The following AUTS2 variants were observed in gnomAD, a reference collection of about 807,000 sequenced individuals.
The protein encoded by AUTS2 is autism susceptibility gene 2 protein.
In AUTS2, 17 loss-of-function variants were observed where a neutral mutation model predicts 112.4. That is an observed-to-expected ratio of 0.15 (90% CI 0.10 to 0.23). AUTS2 has a LOEUF of 0.23. Among genes scored for constraint, AUTS2 ranks in the 10% least tolerant of loss-of-function variants. AUTS2 has a pLI of 1.00. For synonymous variants in AUTS2, 751 were observed against 702.7 expected (o/e 1.07, Z -1.09); for missense variants, 1,510 against 1,701.6 (o/e 0.89, Z 1.98).
chr7:70,020,482 T>C (rs1800220610), intron 2 of AUTS2, among the ~76,000 whole-genome samples: 1 of 152,154 alleles, frequency 6.6e-6, no homozygotes, highest in South Asian at 2.1e-4. Flanking sequence ...CAGTATGCTA[T>C]ACAAAGGGAT....
At chr7:70,638,865 A>T (rs1225069790) in intron 5 of AUTS2, among the ~76,000 whole-genome samples, 1 of 152,220 alleles carries the variant, frequency 6.6e-6, no homozygotes, top group East Asian at 1.9e-4. Flanking sequence ...CATCATAAAT[A>T]ATAGAGAGCA....
chr7:69,858,663 CAGAA>C (rs1792844248), intron 1 of AUTS2, among the ~76,000 whole-genome samples: 1 of 152,100 alleles, frequency 6.6e-6, no homozygotes. Flanking sequence ...TGGCTGCTAA[CAGAA>C]GGGAAGGTGG....
At chr7:70,771,889 T>G (rs1046249599) in intron 11 of AUTS2, among the ~76,000 whole-genome samples, 1 of 152,244 alleles carries the variant, frequency 6.6e-6, no homozygotes, top group Non-Finnish European at 1.5e-5. Context: ...AGATTTCTTG[T>G]GCTCTTCAAA....
At chr7:70,261,214 A>C (rs1228754818) in intron 4 of AUTS2, among the ~76,000 whole-genome samples, 1 of 152,236 alleles carries the variant, frequency 6.6e-6, no homozygotes, top group African/African-American at 2.4e-5. Context: ...TAAGTAAGAG[A>C]AGGCACACAC....
At chr7:70,061,900 A>G (rs938961665) in intron 2 of AUTS2, among the ~76,000 whole-genome samples, 3 of 149,644 alleles carry the variant, frequency 2.0e-5, no homozygotes, top group African/African-American at 7.4e-5. Context: ...CAATTCTCCC[A>G]CCTCAGCCTC....
chr7:69,958,606 T>C (rs1449014415), intron 2 of AUTS2, among the ~76,000 whole-genome samples: 2 of 152,146 alleles, frequency 1.3e-5, no homozygotes, highest in African/African-American at 4.8e-5. Context: ...GTCCAGAGAC[T>C]GACACTGTGT....
chr7:70,094,292 C>A (rs1478869689), intron 2 of AUTS2, among the ~76,000 whole-genome samples: 2 of 152,162 alleles, frequency 1.3e-5, no homozygotes, highest in Non-Finnish European at 2.9e-5. Context: ...CTTTAGAAAC[C>A]TTTGCCTACA....
At chr7:70,755,782 A>T (rs1374080674) in intron 6 of AUTS2, among the ~76,000 whole-genome samples, 2 of 152,134 alleles carry the variant, frequency 1.3e-5, no homozygotes, top group African/African-American at 4.8e-5. Flanking sequence ...TAATTTTAAA[A>T]TATAGCATCT....
At chr7:70,156,159 T>A (rs1315551435) in intron 4 of AUTS2, among the ~76,000 whole-genome samples, 2 of 152,140 alleles carry the variant, frequency 1.3e-5, no homozygotes, top group African/African-American at 4.8e-5. Context: ...TCTCCCACAC[T>A]CTCACTTTCT....
intron 6 of AUTS2, among the ~76,000 whole-genome samples, chr7:70,716,636 C>CAAAAAAAAAAAAA: frequency 1.5e-5 from 1 of 64,940 alleles, no homozygotes; most frequent in Non-Finnish European, 2.8e-5. Context: ...GACTCCGTCT[C>CAAAAAAAAAAAAA]AAAAAAAAAA....
At chr7:69,938,917 T>C (rs1410999345) in intron 2 of AUTS2, among the ~76,000 whole-genome samples, 1 of 152,172 alleles carries the variant, frequency 6.6e-6, no homozygotes, top group Non-Finnish European at 1.5e-5. Context: ...GGAAGATGTA[T>C]TGGAGAAAAA....
chr7:70,575,038 G>A (rs1479142492), intron 5 of AUTS2, among the ~76,000 whole-genome samples: 1 of 152,182 alleles, frequency 6.6e-6, no homozygotes, highest in Non-Finnish European at 1.5e-5. Flanking sequence ...GAGTTGCTGG[G>A]TAATCGTTCC....
At chr7:70,361,791 G>A (rs1276764259) in intron 4 of AUTS2, among the ~76,000 whole-genome samples, 1 of 152,136 alleles carries the variant, frequency 6.6e-6, no homozygotes, top group East Asian at 1.9e-4. Context: ...GCTGGGTTCT[G>A]CCTGTGACTT....
At chr7:69,899,732 A>G (rs1290115817) in intron 2 of AUTS2, among the ~76,000 whole-genome samples, 1 of 152,216 alleles carries the variant, frequency 6.6e-6, no homozygotes, top group Admixed American at 6.5e-5. Flanking sequence ...TGCTTTATGC[A>G]ACAAAGCTTG....
At chr7:69,926,224 C>T (rs1362888869) in intron 2 of AUTS2, among the ~76,000 whole-genome samples, 1 of 152,028 alleles carries the variant, frequency 6.6e-6, no homozygotes, top group Non-Finnish European at 1.5e-5. Flanking sequence ...GGATTTTTTG[C>T]CTGCTTGTTC....
At chr7:70,546,690 A>G (rs1017620539) in intron 5 of AUTS2, among the ~76,000 whole-genome samples, 3 of 151,634 alleles carry the variant, frequency 2.0e-5, no homozygotes, top group Non-Finnish European at 4.4e-5. Context: ...GAGGCAGGAG[A>G]ATGGCATGAA....
intron 2 of AUTS2, among the ~76,000 whole-genome samples, chr7:69,977,995 T>C (rs1798129858): frequency 6.6e-6 from 1 of 152,206 alleles, no homozygotes; most frequent in Non-Finnish European, 1.5e-5. Context: ...TAGGGAAAAG[T>C]ATGTCTACTC....
intron 1 of AUTS2, among the ~76,000 whole-genome samples, chr7:69,721,885 A>C (rs938099721): frequency 6.6e-6 from 1 of 152,208 alleles, no homozygotes. Context: ...GCTAGAGCAC[A>C]GGTACATGGG....
chr7:70,405,041 A>G (rs567263243), intron 4 of AUTS2, among the ~76,000 whole-genome samples: 1 of 152,322 alleles, frequency 6.6e-6, no homozygotes, highest in South Asian at 2.1e-4. Flanking sequence ...TTCAGGGGAA[A>G]TGCAAATATA....
Sources: allele counts gnomAD v4.1 joint callset (sites outside exome capture counted in the v4.1 genomes callset), GRCh38; gene constraint gnomAD v4.1.1; transcripts MANE v1.5; gene names NCBI Gene and HGNC (gene_info 2026-07-23, HGNC 2026-07-21).